Variants in NLGN1 observed in about 807,000 individuals in gnomAD.
NLGN1 encodes the protein neuroligin 1, also known as neuroligin-1.
A neutral mutation model predicts 65.5 loss-of-function variants in NLGN1; 12 were observed. The ratio of observed to expected loss-of-function variants is 0.18; its 90% confidence interval spans 0.12 to 0.30. The LOEUF is 0.30. Ranked by LOEUF, NLGN1 falls within the 10% of genes least tolerant of loss-of-function variation. The probability of loss-of-function intolerance (pLI) is 1.00; values close to 1 mark genes in which losing one functional copy is unlikely to be tolerated. For synonymous variants in NLGN1, 350 were observed against 359.5 expected (o/e 0.97, Z 0.30); for missense variants, 750 against 1,007.1 (o/e 0.74, Z 3.46).
chr3:174,155,187 T>A (rs899176675), intron 4 of NLGN1, among the ~76,000 whole-genome samples: 4 of 150,992 alleles, frequency 2.6e-5, no homozygotes, highest in South Asian at 2.1e-4. Context: ...GCATTTTTTT[T>A]ATTAAAAATA....
chr3:174,101,870 A>G (rs1288062247), intron 4 of NLGN1, among the ~76,000 whole-genome samples: 1 of 152,268 alleles, frequency 6.6e-6, no homozygotes, highest in East Asian at 1.9e-4. Context: ...GTGCTCCCCA[A>G]AAGGACAAAG....
intron 3 of NLGN1, among the ~76,000 whole-genome samples, chr3:173,763,853 A>G (rs1426689546): frequency 2.0e-5 from 3 of 152,180 alleles, no homozygotes; most frequent in South Asian, 2.1e-4. Context: ...AGGAATGTTA[A>G]TGAAAGAAGC....
At chr3:173,840,470 G>T (rs940654343) in intron 4 of NLGN1, among the ~76,000 whole-genome samples, 1 of 152,156 alleles carries the variant, frequency 6.6e-6, no homozygotes, top group Non-Finnish European at 1.5e-5. Flanking sequence ...TAGTTTCTAT[G>T]CTCACAGTGT....
At chr3:173,890,795 C>T (rs1356315301) in intron 4 of NLGN1, among the ~76,000 whole-genome samples, 3 of 152,140 alleles carry the variant, frequency 2.0e-5, no homozygotes, top group Admixed American at 6.6e-5. Flanking sequence ...GCAATAGGAG[C>T]CAGTGCTCTA....
At chr3:174,165,248 G>A (rs1727284575) in intron 4 of NLGN1, among the ~76,000 whole-genome samples, 1 of 151,986 alleles carries the variant, frequency 6.6e-6, no homozygotes, top group African/African-American at 2.4e-5. Flanking sequence ...GAATAGGAAT[G>A]GTGAGAATGG....
chr3:174,239,416 G>C (rs1742376507), intron 4 of NLGN1, among the ~76,000 whole-genome samples: 1 of 152,086 alleles, frequency 6.6e-6, no homozygotes, highest in Admixed American at 6.5e-5. Flanking sequence ...TAGCACGCTT[G>C]TACTGTATTT....
chr3:173,998,906 A>C (rs527783685), intron 4 of NLGN1, among the ~76,000 whole-genome samples: 1 of 152,150 alleles, frequency 6.6e-6, no homozygotes, highest in Non-Finnish European at 1.5e-5. Context: ...TGAAAGTGTT[A>C]TTACCCATTA....
intron 4 of NLGN1, among the ~76,000 whole-genome samples, chr3:173,940,812 A>G (rs141757968): frequency 1.3e-3 from 194 of 152,306 alleles, no homozygotes; most frequent in African/African-American, 4.4e-3. Flanking sequence ...ATCTACGTGC[A>G]TTTGCCTATG....
At chr3:174,056,066 C>A (rs999155141) in intron 4 of NLGN1, among the ~76,000 whole-genome samples, 5 of 151,938 alleles carry the variant, frequency 3.3e-5, no homozygotes, top group Non-Finnish European at 5.9e-5. Flanking sequence ...ATTCTCATAG[C>A]TCCATGAGCC....
At chr3:173,674,845 T>C (rs1433684463) in intron 3 of NLGN1, among the ~76,000 whole-genome samples, 4 of 151,998 alleles carry the variant, frequency 2.6e-5, no homozygotes, top group South Asian at 2.1e-4. Context: ...AGAAAATAAT[T>C]CAGCCTACAC....
intron 2 of NLGN1, among the ~76,000 whole-genome samples, chr3:173,488,974 CA>C (rs1280172069): frequency 6.6e-6 from 1 of 151,192 alleles, no homozygotes; most frequent in East Asian, 1.9e-4. Flanking sequence ...GTTAAACTTT[CA>C]TTTCACTAAT....
chr3:174,028,984 A>C (rs1250009642), intron 4 of NLGN1, among the ~76,000 whole-genome samples: 1 of 151,984 alleles, frequency 6.6e-6, no homozygotes, highest in Non-Finnish European at 1.5e-5. Context: ...GGATGTACGG[A>C]AATGCCTGGA....
chr3:174,024,837 A>T (rs750817340), intron 4 of NLGN1, among the ~76,000 whole-genome samples: 1 of 152,238 alleles, frequency 6.6e-6, no homozygotes, highest in Non-Finnish European at 1.5e-5. Context: ...TGGCTCTAAT[A>T]GTGATGCCAT....
At chr3:173,619,940 G>A (rs1040298944) in intron 3 of NLGN1, among the ~76,000 whole-genome samples, 1 of 152,148 alleles carries the variant, frequency 6.6e-6, no homozygotes, top group African/African-American at 2.4e-5. Flanking sequence ...GGATGTGCAG[G>A]GATGAGTGGG....
At chr3:174,014,994 A>G (rs1445160071) in intron 4 of NLGN1, among the ~76,000 whole-genome samples, 1 of 152,200 alleles carries the variant, frequency 6.6e-6, no homozygotes, top group Non-Finnish European at 1.5e-5. Flanking sequence ...CAAACTGAAC[A>G]GCTGGAGGAA....
chr3:173,991,584 T>C (rs1029967943), intron 4 of NLGN1, among the ~76,000 whole-genome samples: 1 of 152,210 alleles, frequency 6.6e-6, no homozygotes, highest in Admixed American at 6.5e-5. Context: ...TATCAAGTTT[T>C]AATTAATTTA....
At chr3:173,847,582 A>G (rs1726024687) in intron 4 of NLGN1, among the ~76,000 whole-genome samples, 1 of 152,168 alleles carries the variant, frequency 6.6e-6, no homozygotes, top group African/African-American at 2.4e-5. Context: ...TTTCATTATC[A>G]GAAGATAAAA....
At chr3:173,887,728 A>G (rs990870119) in intron 4 of NLGN1, among the ~76,000 whole-genome samples, 2 of 149,228 alleles carry the variant, frequency 1.3e-5, no homozygotes, top group African/African-American at 4.8e-5. Context: ...TACTAGTAAA[A>G]CAGTTTTTGC....
intron 4 of NLGN1, among the ~76,000 whole-genome samples, chr3:173,891,767 A>G (rs1735381446): frequency 6.6e-6 from 1 of 152,168 alleles, no homozygotes; most frequent in Non-Finnish European, 1.5e-5. Flanking sequence ...GGTCTTTCTC[A>G]TACCCGGTGT....
Sources: gnomAD v4.1 joint callset for allele counts (sites outside exome capture counted in the v4.1 genomes callset) on GRCh38, gnomAD v4.1.1 for gene constraint, MANE v1.5 for transcripts, NCBI Gene and HGNC (gene_info 2026-07-23, HGNC 2026-07-21) for gene names.